KIAA1549L: variants seen among roughly 807,000 people sequenced by gnomAD.
KIAA1549L encodes the protein KIAA1549 like, also known as UPF0606 protein KIAA1549L.
In KIAA1549L, 88 loss-of-function variants were observed where a neutral mutation model predicts 160.7. The ratio of observed to expected loss-of-function variants is 0.55; its 90% CI spans 0.46 to 0.65. The LOEUF is 0.65. Among genes scored for constraint, KIAA1549L ranks in the 30% least tolerant of loss-of-function variants. KIAA1549L has a pLI of 0.00. For synonymous variants in KIAA1549L, 950 were observed against 976.7 expected, an observed-to-expected ratio of 0.97 and a Z score of 0.51; for missense variants, 2,258 against 2,437.5, an observed-to-expected ratio of 0.93 and a Z score of 1.55.
intron 1 of KIAA1549L, among the ~76,000 whole-genome samples, chr11:33,455,746 A>G (rs991926899): frequency 2.0e-5 from 3 of 152,218 alleles, no homozygotes; most frequent in African/African-American, 7.2e-5. Context: ...AGAAGATGAC[A>G]GAGGTCACAA....
Position 33,542,799 on chromosome 11 carries a change from G to A in KIAA1549L, c.1236G>A (p.Ala412=), listed in dbSNP as rs766826744. ...CAACTTTTAAGAATACAGAAACAGC[G>A]ACCCATGAGGCTGAGCCTCCACTTT... ...SLPTFKNTET[A]THEAEPPLFQ... is the part of the protein sequence containing the mutation. The change falls in exon 2 of 21, where the codon GCG becomes GCA. Residue 412 remains alanine (A), a synonymous_variant. Coordinates refer to ENST00000658780, the MANE Select transcript of KIAA1549L (RefSeq NM_012194.3). 1.1e-5 allele frequency: 18 copies of A among 1,613,670 alleles called. No homozygotes were observed. The Admixed American group carries it at 1.5e-4, about 13-fold the overall frequency.
intron 1 of KIAA1549L, among the ~76,000 whole-genome samples, chr11:33,385,017 CT>C (rs1454969690): frequency 1.3e-5 from 2 of 150,904 alleles, no homozygotes; most frequent in African/African-American, 4.9e-5. Context: ...AAGATTTGTG[CT>C]TTTTGTGTCC....
At chr11:33,573,621 T>C (rs1227123159) in intron 9 of KIAA1549L, among the ~76,000 whole-genome samples, 1 of 152,206 alleles carries the variant, frequency 6.6e-6, no homozygotes, top group African/African-American at 2.4e-5. Flanking sequence ...AATGTTGCTA[T>C]AAACATTTTT....
intron 1 of KIAA1549L, among the ~76,000 whole-genome samples, chr11:33,412,909 A>G (rs984849239): frequency 2.6e-5 from 4 of 152,236 alleles, no homozygotes; most frequent in Non-Finnish European, 5.9e-5. Context: ...TGAGCTAGTA[A>G]GTGGCAGTGA....
chr11:33,428,541 A>G (rs1262834482), intron 1 of KIAA1549L, among the ~76,000 whole-genome samples: 1 of 151,996 alleles, frequency 6.6e-6, no homozygotes, highest in Non-Finnish European at 1.5e-5. Flanking sequence ...ATGAGTGAGA[A>G]CATGTGGTGT....
At chr11:33,427,312 T>C (rs1851137759) in intron 1 of KIAA1549L, among the ~76,000 whole-genome samples, 1 of 152,154 alleles carries the variant, frequency 6.6e-6, no homozygotes, top group Non-Finnish European at 1.5e-5. Context: ...AATCCTGCCT[T>C]CTCTCCCTTT....
rs560834209 is a variant in KIAA1549L, at chr11:33,630,243, G to A, written c.5409+11581G>A. Among the ~76,000 whole-genome samples the A allele has an allele frequency of 1.9e-3, 289 of 152,366 alleles. 1 individual carries two copies. Among genetic ancestry groups the A allele is most frequent in the African/African-American group, 6.7e-3 (279 of 41,582 alleles). On this transcript the variant is annotated intron_variant, in intron 16 of 20. Transcript: ENST00000658780. ...TACTGCTGTCTTTTTGTTTGTCTGTGCCCTGCCCCCAGAGGTGGAGCCTGC... is the reference window on the plus strand; with the variant it reads ...TACTGCTGTCTTTTTGTTTGTCTGTACCCTGCCCCCAGAGGTGGAGCCTGC...
At position 33,583,383 on chromosome 11, in the gene KIAA1549L, T is replaced by A. The variant is rs1314755841; in HGVS notation, c.4448T>A (p.Val1483Glu). Residue 1483 changes from valine (V) to glutamate (E), a missense_variant, in exon 11 of 21, where the codon GTG becomes GAG. Val to Glu is a moderately radical substitution (Grantham distance 121). Coordinates refer to ENST00000658780, the MANE Select transcript of KIAA1549L (RefSeq NM_012194.3). Reference protein sequence around the residue: ...PPNNLWIIAAVLAPIAVVTVI... With the variant: ...PPNNLWIIAAELAPIAVVTVI... ...AATAACCTGTGGATCATCGCTGCAG[T>A]GCTGGCGCCCATTGCCGTGGTCACG... The A allele has an allele frequency of 6.2e-6, 10 of 1,606,154 alleles. No homozygotes were observed. Among genetic ancestry groups the A allele is most frequent in the Non-Finnish European group, 8.5e-6 (10 of 1,176,432 alleles).
chr11:33,430,041 T>TTCCTC (rs1554976200), intron 1 of KIAA1549L, among the ~76,000 whole-genome samples: 1 of 140,388 alleles, frequency 7.1e-6, no homozygotes, highest in Non-Finnish European at 1.5e-5. Context: ...CTTCCTTCCT[T>TTCCTC]CCTTCCTCCC....
At chr11:33,389,187 T>C (rs1291334396) in intron 1 of KIAA1549L, among the ~76,000 whole-genome samples, 2 of 152,218 alleles carry the variant, frequency 1.3e-5, no homozygotes, top group African/African-American at 4.8e-5. Flanking sequence ...GAATGAAGTA[T>C]CTAGAATGAA....
intron 9 of KIAA1549L, 41 bp downstream of exon 9, chr11:33,568,268 G>A (rs1855121621): frequency 6.4e-7 from 1 of 1,562,158 alleles, no homozygotes; most frequent in Non-Finnish European, 8.7e-7. Flanking sequence ...TAATAACTGG[G>A]GGTAGAGGGG....
At chr11:33,437,953 G>A (rs1851413503) in intron 1 of KIAA1549L, among the ~76,000 whole-genome samples, 1 of 152,132 alleles carries the variant, frequency 6.6e-6, no homozygotes. Context: ...CTCTGAATCT[G>A]GTCTGCCTGG....
chr11:33,594,491 T>C (rs1850147386), intron 12 of KIAA1549L, among the ~76,000 whole-genome samples: 1 of 152,188 alleles, frequency 6.6e-6, no homozygotes. Flanking sequence ...ATACCCCAGG[T>C]AGCAAGGGCC....
intron 1 of KIAA1549L, among the ~76,000 whole-genome samples, chr11:33,395,511 G>A (rs1275033237): frequency 1.3e-5 from 2 of 151,902 alleles, no homozygotes; most frequent in African/African-American, 4.8e-5. Context: ...ATTTTAGAAG[G>A]CTTTCTATAA....
At chr11:33,558,465 G>A (rs185498612) in intron 6 of KIAA1549L, among the ~76,000 whole-genome samples, 33 of 152,290 alleles carry the variant, frequency 2.2e-4, no homozygotes, top group Non-Finnish European at 4.4e-4. Flanking sequence ...AGGCAGTGGA[G>A]CCCACTGGGG....
intron 1 of KIAA1549L, among the ~76,000 whole-genome samples, chr11:33,416,241 T>C (rs1002529337): frequency 5.3e-5 from 8 of 152,090 alleles, no homozygotes; most frequent in Non-Finnish European, 1.0e-4. Flanking sequence ...TAGAGTTCCA[T>C]ATGGGAGTAT....
chr11:33,483,822 C>T (rs1852463920), intron 1 of KIAA1549L, among the ~76,000 whole-genome samples: 1 of 152,218 alleles, frequency 6.6e-6, no homozygotes, highest in Admixed American at 6.5e-5. Flanking sequence ...TGAGGCTGCT[C>T]CAGCCACATG....
In KIAA1549L at chr11:33,560,205, C is replaced by A. The variant is rs116541863; in HGVS notation, c.4018+294C>A. 6.8e-3 allele frequency among the ~76,000 whole-genome samples: 1,031 copies of A among 152,304 alleles called. 9 individuals are homozygous for A. Among genetic ancestry groups the A allele is most frequent in the African/African-American group, 0.024 (995 of 41,570 alleles). On this transcript the variant is annotated intron_variant, in intron 7 of 20. Transcript: ENST00000658780. ...TCTCTTATCTCATTTAATCCTCAGACCTGCCCTATAAGACAGATGCAAAAT... is the reference window on the plus strand; with the variant it reads ...TCTCTTATCTCATTTAATCCTCAGAACTGCCCTATAAGACAGATGCAAAAT...
intron 12 of KIAA1549L, among the ~76,000 whole-genome samples, chr11:33,598,284 T>C (rs181639024): frequency 6.6e-6 from 1 of 151,608 alleles, no homozygotes; most frequent in East Asian, 1.9e-4. Flanking sequence ...CATAGTTGAG[T>C]TTTTGCTACA....
Sources: allele counts gnomAD v4.1 joint callset (sites outside exome capture counted in the v4.1 genomes callset), GRCh38; gene constraint gnomAD v4.1.1; transcripts MANE v1.5; gene names NCBI Gene and HGNC (gene_info 2026-07-23, HGNC 2026-07-21).